Variants in MARCHF3 observed in about 807,000 individuals in gnomAD.
MARCHF3 encodes the protein E3 ubiquitin-protein ligase MARCHF3.
In MARCHF3, 13 loss-of-function variants were observed where a neutral mutation model predicts 24.2. The observed-to-expected ratio is 0.54, with a 90% confidence interval of 0.35 to 0.85. MARCHF3 has a LOEUF of 0.85. Among genes scored for constraint, MARCHF3 ranks in the 40% least tolerant of loss-of-function variants. The pLI is 0.01. For missense variants in MARCHF3, 276 were observed against 325.0 expected (o/e 0.85, Z 1.16); for synonymous variants, 144 against 137.3 (o/e 1.05, Z -0.34).
At chr5:126,951,114 G>C (rs1386578182) in intron 1 of MARCHF3, among the ~76,000 whole-genome samples, 1 of 152,174 alleles carries the variant, frequency 6.6e-6, no homozygotes, top group Non-Finnish European at 1.5e-5. Context: ...AAATCCAACA[G>C]TCCTCATCTT....
chr5:126,937,846 G>C (rs10075866), intron 1 of MARCHF3, among the ~76,000 whole-genome samples: 2 of 152,150 alleles, frequency 1.3e-5, no homozygotes, highest in Admixed American at 1.3e-4. Flanking sequence ...AGTTAACAAA[G>C]AAGGTGATTT....
intron 2 of MARCHF3, among the ~76,000 whole-genome samples, chr5:126,917,403 A>C (rs548807345): frequency 6.6e-6 from 1 of 152,300 alleles, no homozygotes; most frequent in African/African-American, 2.4e-5. Context: ...GGTTTTCACA[A>C]TAGCACTTCA....
rs778417641 is a variant in MARCHF3, at chr5:126,914,261, A to G, written c.393+669T>C. ...GCCTCCCAAAGTGCTGGGATTACAG[A>G]CATGAGCCACCGCGCCCAGCCAAGA... On this transcript the variant is annotated intron_variant, in intron 3 of 4. Transcript: ENST00000308660. 5.1e-4 allele frequency among the ~76,000 whole-genome samples: 77 copies of G among 152,104 alleles called. 1 individual carries two copies. The highest frequency in any genetic ancestry group is 2.2e-4 in the Non-Finnish European group (15 of 67,992).
intron 3 of MARCHF3, among the ~76,000 whole-genome samples, chr5:126,914,339 G>A (rs980003205): frequency 1.5e-4 from 23 of 152,070 alleles, no homozygotes; most frequent in African/African-American, 5.6e-4. Flanking sequence ...AATTTCCCAA[G>A]TGAGATATTT....
At chr5:127,011,223 A>C (rs1752460551) in intron 1 of MARCHF3, among the ~76,000 whole-genome samples, 1 of 152,190 alleles carries the variant, frequency 6.6e-6, no homozygotes, top group African/African-American at 2.4e-5. Flanking sequence ...AAGCAATAAA[A>C]CTATCCACTC....
At chr5:126,933,537 T>C (rs957657477) in intron 1 of MARCHF3, among the ~76,000 whole-genome samples, 1 of 151,740 alleles carries the variant, frequency 6.6e-6, no homozygotes, top group Admixed American at 6.6e-5. Flanking sequence ...CTCCGCCTCC[T>C]GGGTTCACGC....
chr5:126,899,320 G>A (rs1467247143), intron 3 of MARCHF3: 1 of 984,492 alleles, frequency 1.0e-6, no homozygotes, highest in Admixed American at 6.2e-5. Flanking sequence ...TAATTGAAGA[G>A]AAAAATCAGT....
At chr5:127,025,322 A>AG (rs1561478938) in intron 1 of MARCHF3, among the ~76,000 whole-genome samples, 1 of 149,910 alleles carries the variant, frequency 6.7e-6, no homozygotes, top group Non-Finnish European at 1.5e-5. Flanking sequence ...AAAAAAAAAA[A>AG]AAAGAAAGAA....
chr5:126,983,687 C>T (rs973351381), intron 1 of MARCHF3, among the ~76,000 whole-genome samples: 1 of 151,524 alleles, frequency 6.6e-6, no homozygotes, highest in South Asian at 2.1e-4. Flanking sequence ...GGCTGAGGAG[C>T]CAGGTCCCTC....
At chr5:126,965,687 GAGAT>G (rs1413577374) in intron 1 of MARCHF3, among the ~76,000 whole-genome samples, 7 of 152,160 alleles carry the variant, frequency 4.6e-5, no homozygotes, top group Non-Finnish European at 8.8e-5. Context: ...GAGTCAGTGA[GAGAT>G]AGAAACCACT....
At chr5:126,939,767 T>C (rs1325410808) in intron 1 of MARCHF3, among the ~76,000 whole-genome samples, 1 of 152,216 alleles carries the variant, frequency 6.6e-6, no homozygotes, top group Non-Finnish European at 1.5e-5. Flanking sequence ...ATTAGGTTCC[T>C]GTGGACCACT....
At chr5:126,970,445 A>C (rs1750968108) in intron 1 of MARCHF3, among the ~76,000 whole-genome samples, 2 of 152,024 alleles carry the variant, frequency 1.3e-5, no homozygotes, top group African/African-American at 4.8e-5. Context: ...GATTTCAATA[A>C]AATTAGCATG....
At chr5:126,927,327 G>A (rs186238051) in intron 1 of MARCHF3, among the ~76,000 whole-genome samples, 1 of 152,310 alleles carries the variant, frequency 6.6e-6, no homozygotes, top group East Asian at 1.9e-4. Context: ...TGAAATGGAT[G>A]GAGAATAGGG....
chr5:126,895,800 C>T (rs1285206770), intron 3 of MARCHF3, among the ~76,000 whole-genome samples: 1 of 152,176 alleles, frequency 6.6e-6, no homozygotes, highest in Non-Finnish European at 1.5e-5. Context: ...GTGGAGCCTA[C>T]AGAGGCAGGC....
chr5:126,939,759 T>A (rs1262405245), intron 1 of MARCHF3, among the ~76,000 whole-genome samples: 1 of 152,192 alleles, frequency 6.6e-6, no homozygotes, highest in Non-Finnish European at 1.5e-5. Flanking sequence ...AATGCAGGAT[T>A]AGGTTCCTGT....
chr5:126,898,998 T>G, intron 3 of MARCHF3: 1 of 985,030 alleles, frequency 1.0e-6, no homozygotes, highest in Non-Finnish European at 1.2e-6. Context: ...AAGCATATTA[T>G]TTCTCTTTCG....
chr5:127,002,085 T>C (rs1250966223), intron 1 of MARCHF3, among the ~76,000 whole-genome samples: 8 of 152,138 alleles, frequency 5.3e-5, no homozygotes, highest in Non-Finnish European at 1.2e-4. Flanking sequence ...GTAGACTTAG[T>C]GAAGAATGAC....
intron 1 of MARCHF3, among the ~76,000 whole-genome samples, chr5:126,952,954 G>A (rs192295891): frequency 6.6e-6 from 1 of 152,128 alleles, no homozygotes; most frequent in Admixed American, 6.6e-5. Flanking sequence ...GATATTATTT[G>A]CTTCAGAACC....
intron 1 of MARCHF3, among the ~76,000 whole-genome samples, chr5:126,988,743 T>C (rs10065302): frequency 0.55 from 84,287 of 151,958 alleles, 24,180 homozygotes; most frequent in East Asian, 0.79. Context: ...CTTATTATTA[T>C]TATTACTACT....
Sources: gnomAD v4.1 joint callset for allele counts (sites outside exome capture counted in the v4.1 genomes callset) on GRCh38, gnomAD v4.1.1 for gene constraint, MANE v1.5 for transcripts, NCBI Gene and HGNC (gene_info 2026-07-23, HGNC 2026-07-21) for gene names.